DGKG: variants seen among roughly 807,000 people sequenced by gnomAD.
The protein encoded by DGKG is diacylglycerol kinase gamma.
DGKG carries 78 observed loss-of-function variants against 105.3 expected under a neutral mutation model. The ratio of observed to expected loss-of-function variants is 0.74; its 90% CI spans 0.62 to 0.89. The LOEUF is 0.89. Among genes scored for constraint, DGKG ranks in the 40% least tolerant of loss-of-function variants. The probability of loss-of-function intolerance (pLI) is 0.00; values close to 1 mark genes in which losing one functional copy is unlikely to be tolerated. For synonymous variants in DGKG, 346 were observed against 367.1 expected (o/e 0.94, Z 0.66); for missense variants, 958 against 1,020.1 (o/e 0.94, Z 0.83).
chr3:186,350,323 A>T (rs900563812), intron 1 of DGKG, among the ~76,000 whole-genome samples: 8 of 152,190 alleles, frequency 5.3e-5, no homozygotes, highest in African/African-American at 1.9e-4. Flanking sequence ...TAAGTACCTC[A>T]TATGAGTGGA....
intron 21 of DGKG, among the ~76,000 whole-genome samples, chr3:186,202,558 A>G (rs1340405293): frequency 6.6e-6 from 1 of 152,218 alleles, no homozygotes; most frequent in Non-Finnish European, 1.5e-5. Flanking sequence ...AGTCTAGGTC[A>G]TTTCCCACTG....
At chr3:186,360,939 C>T (rs1727197065) in intron 1 of DGKG, among the ~76,000 whole-genome samples, 1 of 152,220 alleles carries the variant, frequency 6.6e-6, no homozygotes, top group African/African-American at 2.4e-5. Flanking sequence ...TAATGAAGTC[C>T]GAGGAGGCAG....
chr3:186,299,099 T>TTG (rs1268408062), intron 3 of DGKG, among the ~76,000 whole-genome samples: 1 of 152,206 alleles, frequency 6.6e-6, no homozygotes, highest in Admixed American at 6.5e-5. Flanking sequence ...ACAACAACAG[T>TTG]TTGCAGTGAG....
Position 186,284,538 on chromosome 3 carries a change from G to A in DGKG, c.594+122C>T. On this transcript the variant is annotated intron_variant, in intron 7 of 24. Coordinates refer to ENST00000265022, the MANE Select transcript of DGKG (RefSeq NM_001346.3). This position sits in a 1 kb window ranked among gnomAD's most constrained non-coding sequence, Gnocchi z 4.0. Reference sequence around the variant, plus strand: ...GGTCCTAGTCGGATTTCCTCAGCCTGCATCGAGACATTGCTATTACTACAA... The same window carrying A: ...GGTCCTAGTCGGATTTCCTCAGCCTACATCGAGACATTGCTATTACTACAA... 1.2e-6 allele frequency: 1 copy of A among 856,200 alleles called. No homozygotes were observed. The highest frequency in any genetic ancestry group is 1.9e-5 in the Admixed American group (1 of 53,814). The allele number at this position is 856,200 out of a possible 1,614,324, so 53.0% of individuals were successfully genotyped here. A position where few individuals can be genotyped will look rare whatever the true frequency, so the allele number is the denominator to read the frequency against.
intron 21 of DGKG, among the ~76,000 whole-genome samples, chr3:186,197,383 A>C (rs1346767183): frequency 6.6e-6 from 1 of 152,110 alleles, no homozygotes; most frequent in East Asian, 1.9e-4. Flanking sequence ...TAAAAGGCAG[A>C]GGGGTGGCTG....
At chr3:186,347,926 T>G (rs1307180793) in intron 1 of DGKG, among the ~76,000 whole-genome samples, 1 of 152,196 alleles carries the variant, frequency 6.6e-6, no homozygotes, top group Non-Finnish European at 1.5e-5. Flanking sequence ...CAAATCTTCC[T>G]CCTAATTTTG....
chr3:186,256,686 A>G (rs1482272439), intron 17 of DGKG, among the ~76,000 whole-genome samples: 1 of 152,160 alleles, frequency 6.6e-6, no homozygotes, highest in Admixed American at 6.5e-5. Context: ...CATCCGCTGT[A>G]GCTTTTCTCG....
intron 2 of DGKG, among the ~76,000 whole-genome samples, chr3:186,314,177 A>ACG (rs1215154953): frequency 5.9e-3 from 34 of 5,794 alleles, no homozygotes; most frequent in African/African-American, 0.014. Flanking sequence ...ATATCTGCAC[A>ACG]CACACACACA....
intron 3 of DGKG, among the ~76,000 whole-genome samples, chr3:186,304,200 C>G (rs1374858766): frequency 1.3e-5 from 2 of 152,242 alleles, no homozygotes; most frequent in African/African-American, 4.8e-5. Context: ...GGCGGACAAG[C>G]TGATTAGCAG....
intron 22 of DGKG, among the ~76,000 whole-genome samples, chr3:186,175,409 G>A (rs537895764): frequency 1.3e-5 from 2 of 152,298 alleles, no homozygotes; most frequent in African/African-American, 4.8e-5. Context: ...CATTCTGTGT[G>A]GCTTTATCTT....
At chr3:186,272,864 G>GT (rs1259637225) in intron 10 of DGKG, among the ~76,000 whole-genome samples, 9 of 151,832 alleles carry the variant, frequency 5.9e-5, no homozygotes, top group Non-Finnish European at 1.5e-5. Context: ...GATTACAGGC[G>GT]TTACAGGCGT....
intron 19 of DGKG, among the ~76,000 whole-genome samples, chr3:186,244,200 T>C (rs1325854142): frequency 2.0e-5 from 3 of 151,966 alleles, no homozygotes; most frequent in Non-Finnish European, 4.4e-5. Context: ...TCTGTGTGTG[T>C]TTTTAAGCAT....
intron 22 of DGKG, among the ~76,000 whole-genome samples, chr3:186,175,302 G>A (rs1717019120): frequency 6.6e-6 from 1 of 152,190 alleles, no homozygotes; most frequent in Non-Finnish European, 1.5e-5. Context: ...CCTACACTGA[G>A]GCAAGAGAAA....
chr3:186,181,694 T>C (rs1717364405), intron 22 of DGKG, among the ~76,000 whole-genome samples: 1 of 152,110 alleles, frequency 6.6e-6, no homozygotes, highest in Non-Finnish European at 1.5e-5. Context: ...GACTGCACCA[T>C]TGCACTCCAG....
Position 186,149,815 on chromosome 3 carries a change from G to A in DGKG, c.*275C>T. ...TGCTCAAGGCCTGTGGGAATGTGGAGGTTGCTGCCTAAGCCAGCCACAACC... is the reference window on the plus strand; with the variant it reads ...TGCTCAAGGCCTGTGGGAATGTGGAAGTTGCTGCCTAAGCCAGCCACAACC... On this transcript the variant is annotated 3_prime_UTR_variant, in exon 25 of 25. Transcript: ENST00000265022. The A allele has an allele frequency of 2.6e-6, 3 of 1,163,492 alleles. No homozygotes were observed. The highest frequency in any genetic ancestry group is 3.2e-6 in the Non-Finnish European group (3 of 942,002). The allele number at this position is 1,163,492 out of a possible 1,614,324, so 72.1% of individuals were successfully genotyped here. A position where few individuals can be genotyped will look rare whatever the true frequency, so the allele number is the denominator to read the frequency against.
In DGKG at chr3:186,180,210, A is replaced by G. The variant is rs76739013; in HGVS notation, c.2095+7992T>C. 8.3e-4 allele frequency among the ~76,000 whole-genome samples: 127 copies of G among 152,254 alleles called. 1 individual carries two copies. The East Asian group carries it at 0.023, about 28-fold the overall frequency. ...CATCAATAAGGCAGGGAACATGGGTACGGGGAGGAGGCAGTGTTTTTAGGA... is the reference window on the plus strand; with the variant it reads ...CATCAATAAGGCAGGGAACATGGGTGCGGGGAGGAGGCAGTGTTTTTAGGA... On this transcript the variant is annotated intron_variant, in intron 22 of 24. Coordinates refer to ENST00000265022, the MANE Select transcript of DGKG (RefSeq NM_001346.3).
intron 21 of DGKG, among the ~76,000 whole-genome samples, chr3:186,202,217 G>T (rs185201350): frequency 1.0e-3 from 156 of 152,302 alleles, no homozygotes; most frequent in Non-Finnish European, 1.8e-3. Context: ...TGAGCCTAAT[G>T]GGCTTGAGAT....
chr3:186,152,961 C>CTTTTTTT (rs10579014), intron 24 of DGKG, among the ~76,000 whole-genome samples: 15 of 124,528 alleles, frequency 1.2e-4, no homozygotes, highest in African/African-American at 4.3e-4. Flanking sequence ...CGCGCCCGGC[C>CTTTTTTT]TTTTTTTTTT....
At chr3:186,174,358 G>A (rs1343973144) in intron 22 of DGKG, among the ~76,000 whole-genome samples, 2 of 152,140 alleles carry the variant, frequency 1.3e-5, no homozygotes, top group Non-Finnish European at 2.9e-5. Flanking sequence ...TAAGTGCATG[G>A]CCTTCTGTAG....
Sources: allele counts gnomAD v4.1 joint callset (sites outside exome capture counted in the v4.1 genomes callset), GRCh38; gene constraint gnomAD v4.1.1; non-coding constraint Gnocchi (gnomAD v3.1); transcripts MANE v1.5; gene names NCBI Gene and HGNC (gene_info 2026-07-23, HGNC 2026-07-21).